YAP1: variants seen among roughly 807,000 people sequenced by gnomAD.
The protein encoded by YAP1 is transcriptional coactivator YAP1.
A neutral mutation model predicts 56.9 loss-of-function variants in YAP1; 5 were observed. That is an observed-to-expected ratio of 0.09 (90% CI 0.05 to 0.18). YAP1 has a LOEUF of 0.18. Among genes scored for constraint, YAP1 ranks in the 10% least tolerant of loss-of-function variants. YAP1 has a pLI of 1.00. For synonymous variants in YAP1, 265 were observed against 248.1 expected (o/e 1.07, Z -0.64); for missense variants, 539 against 651.8 (o/e 0.83, Z 1.88).
At chr11:102,163,243 AGTGCCCCTTAT>A (rs1946403978) in intron 3 of YAP1, among the ~76,000 whole-genome samples, 1 of 152,180 alleles carries the variant, frequency 6.6e-6, no homozygotes, top group Admixed American at 6.5e-5. Flanking sequence ...GGGGAGTAAC[AGTGCCCCTTAT>A]GATAGAAGGG....
intron 3 of YAP1, among the ~76,000 whole-genome samples, chr11:102,176,224 C>T (rs1477903047): frequency 2.0e-5 from 3 of 152,198 alleles, no homozygotes; most frequent in Admixed American, 2.0e-4. Context: ...TACATTCCCA[C>T]TCATAAAAAA....
In YAP1 at chr11:102,128,849, A is replaced by G. The variant is rs183743533; in HGVS notation, c.572+14455A>G. Reference sequence around the variant, plus strand: ...TTTCCAAGTTCTTCATCTAGTTAATATGAACAGCTTTAAAAATTAGGGCTT... The same window carrying G: ...TTTCCAAGTTCTTCATCTAGTTAATGTGAACAGCTTTAAAAATTAGGGCTT... On this transcript the variant is annotated intron_variant, in intron 2 of 8. Coordinates refer to ENST00000282441, the MANE Select transcript of YAP1 (RefSeq NM_001130145.3). 1.0e-3 allele frequency among the ~76,000 whole-genome samples: 155 copies of G among 152,270 alleles called. 1 individual carries two copies. Among genetic ancestry groups the G allele is most frequent in the Middle Eastern group, 3.4e-3 (1 of 294 alleles).
intron 3 of YAP1, among the ~76,000 whole-genome samples, chr11:102,176,972 A>T (rs921997935): frequency 1.2e-4 from 19 of 152,066 alleles, no homozygotes; most frequent in South Asian, 6.2e-4. Context: ...GAGAGAAAGC[A>T]GCTGATGAAG....
At chr11:102,204,583 T>C (rs1949029237) in intron 4 of YAP1, among the ~76,000 whole-genome samples, 1 of 152,162 alleles carries the variant, frequency 6.6e-6, no homozygotes, top group South Asian at 2.1e-4. Flanking sequence ...GAGGTTTTGC[T>C]CAAGTAGTCT....
At chr11:102,162,953 G>A (rs1211401246) in intron 3 of YAP1, among the ~76,000 whole-genome samples, 3 of 146,654 alleles carry the variant, frequency 2.0e-5, no homozygotes, top group South Asian at 2.2e-4. Context: ...AAGCTATAGT[G>A]TTCTTATTTT....
At chr11:102,157,513 GACA>G (rs1185858035) in intron 2 of YAP1, among the ~76,000 whole-genome samples, 1 of 152,184 alleles carries the variant, frequency 6.6e-6, no homozygotes, top group Non-Finnish European at 1.5e-5. Context: ...TTGAGGGCCT[GACA>G]ACAATATTAA....
chr11:102,181,362 C>T (rs538515560), intron 3 of YAP1, among the ~76,000 whole-genome samples: 5 of 152,186 alleles, frequency 3.3e-5, no homozygotes, highest in East Asian at 1.9e-4. Context: ...AGGAGAATGG[C>T]GTGAACCCGG....
intron 2 of YAP1, among the ~76,000 whole-genome samples, chr11:102,155,140 C>T (rs1466657405): frequency 6.6e-6 from 1 of 152,134 alleles, no homozygotes; most frequent in Admixed American, 6.6e-5. Flanking sequence ...TGCCTTTCTA[C>T]CACTGTCCTG....
intron 4 of YAP1, among the ~76,000 whole-genome samples, chr11:102,188,716 A>C (rs115261372): frequency 0.012 from 1,820 of 152,332 alleles, 35 homozygotes; most frequent in African/African-American, 0.042. Flanking sequence ...AGGCTATACC[A>C]TCTAGGTTTG....
At chr11:102,178,571 A>G (rs1190596992) in intron 3 of YAP1, among the ~76,000 whole-genome samples, 1 of 152,220 alleles carries the variant, frequency 6.6e-6, no homozygotes, top group African/African-American at 2.4e-5. Flanking sequence ...AAAATATCAC[A>G]GGGAGTTGGT....
At chr11:102,227,391 C>T (rs1950244055) in intron 7 of YAP1, 78 bp from the exon 8 acceptor site, 2 of 944,556 alleles carry the variant, frequency 2.1e-6, no homozygotes, top group African/African-American at 1.6e-5. Context: ...TATGTTGCTG[C>T]TCAGCAGGTG....
chr11:102,155,459 A>G (rs552030023), intron 2 of YAP1, among the ~76,000 whole-genome samples: 1 of 152,222 alleles, frequency 6.6e-6, no homozygotes, highest in Non-Finnish European at 1.5e-5. Context: ...ATGATTGAAG[A>G]CATTCTGTAG....
intron 6 of YAP1, among the ~76,000 whole-genome samples, chr11:102,212,828 A>G (rs1949475516): frequency 6.6e-6 from 1 of 152,076 alleles, no homozygotes; most frequent in Admixed American, 6.6e-5. Flanking sequence ...TGATCTGCCC[A>G]CCTCGTCCTC....
At chr11:102,218,312 C>G (rs952000991) in intron 6 of YAP1, among the ~76,000 whole-genome samples, 1 of 152,162 alleles carries the variant, frequency 6.6e-6, no homozygotes, top group Non-Finnish European at 1.5e-5. Context: ...TGCATATAAC[C>G]TACACACATC....
chr11:102,173,304 T>TA (rs1947030765), intron 3 of YAP1, among the ~76,000 whole-genome samples: 1 of 152,212 alleles, frequency 6.6e-6, no homozygotes, highest in African/African-American at 2.4e-5. Flanking sequence ...CTTTGTGTCA[T>TA]AAGCTAAGAA....
intron 7 of YAP1, among the ~76,000 whole-genome samples, chr11:102,226,505 A>G (rs2135715164): frequency 6.6e-6 from 1 of 152,376 alleles, no homozygotes. Flanking sequence ...TCACACTCAC[A>G]CAGACCATTG....
At chr11:102,213,698 A>G (rs1193303052) in intron 6 of YAP1, among the ~76,000 whole-genome samples, 1 of 152,142 alleles carries the variant, frequency 6.6e-6, no homozygotes, top group African/African-American at 2.4e-5. Flanking sequence ...CATAGTGAGA[A>G]CCTTGCTTAT....
Position 102,206,016 on chromosome 11 carries a change from A to T in YAP1, c.926A>T (p.Gln309Leu), listed in dbSNP as rs764619557. 9 of 1,613,938 alleles carry T rather than the reference A, an allele frequency of 5.6e-6. No homozygotes were observed. The highest frequency in any genetic ancestry group is 7.6e-6 in the Non-Finnish European group (9 of 1,179,990). ...NSNQQQQMRL[Q>L]QLQMEKERLR... ...AACCAGCAGCAACAGATGCGACTGC[A>T]GCAACTGCAGATGGAGAAGGAGAGG... The change falls in exon 5 of 9, where the codon CAG becomes CTG. Residue 309 changes from glutamine to leucine, a missense_variant. This residue lies in a region of YAP1 where 414 missense variants were observed against 512.4 expected (regional missense o/e 0.81). Transcript: ENST00000282441.
intron 4 of YAP1, among the ~76,000 whole-genome samples, chr11:102,198,849 C>G (rs1204326090): frequency 6.6e-6 from 1 of 152,064 alleles, no homozygotes; most frequent in African/African-American, 2.4e-5. Context: ...GAAGATGTTT[C>G]ACCGAAAGAG....
Sources: allele counts gnomAD v4.1 joint callset (sites outside exome capture counted in the v4.1 genomes callset), GRCh38; gene constraint gnomAD v4.1.1; regional missense constraint gnomAD v4.1.1; transcripts MANE v1.5; gene names NCBI Gene and HGNC (gene_info 2026-07-23, HGNC 2026-07-21).